The following TMTC1 variants were observed in gnomAD, a reference collection of about 807,000 sequenced individuals.
TMTC1 encodes the protein transmembrane O-mannosyltransferase targeting cadherins 1.
A neutral mutation model predicts 104.8 loss-of-function variants in TMTC1; 73 were observed. The ratio of observed to expected loss-of-function variants is 0.70; its 90% CI spans 0.58 to 0.85. TMTC1 has a LOEUF of 0.85. TMTC1 is among the 40% of genes least tolerant of loss of function. The pLI is 0.00. For synonymous variants in TMTC1, 434 were observed against 428.7 expected, an observed-to-expected ratio of 1.01 and a Z score of -0.15; for missense variants, 1,035 against 1,096.1, an observed-to-expected ratio of 0.94 and a Z score of 0.79.
In TMTC1 at chr12:29,530,401, G is replaced by A. The variant is rs565748978; in HGVS notation, c.1785+5808C>T. Among the ~76,000 whole-genome samples the A allele has an allele frequency of 1.4e-4, 22 of 152,174 alleles. 1 individual carries two copies. In the South Asian group the frequency reaches 2.7e-3, roughly 19 times the overall value. On this transcript the variant is annotated intron_variant, in intron 11 of 17. Transcript: ENST00000539277. ...TCCCTTCCCCTTTTATGGTCTCAAC[G>A]CAACTGACCAGCATTTCTTCCTGGA...
intron 5 of TMTC1, among the ~76,000 whole-genome samples, chr12:29,661,568 C>CTTTTTGTATTTTTAGTA (rs749890495): frequency 2.0e-5 from 3 of 150,502 alleles, no homozygotes; most frequent in East Asian, 2.0e-4. Context: ...ACTACAGGTA[C>CTTTTTGTATTTTTAGTA]TTTTTGTATT....
intron 10 of TMTC1, among the ~76,000 whole-genome samples, chr12:29,541,363 C>T (rs1195669848): frequency 6.6e-6 from 1 of 152,180 alleles, no homozygotes; most frequent in Non-Finnish European, 1.5e-5. Context: ...CTACATCTAC[C>T]ACTTACTAGC....
chr12:29,555,678 T>A (rs1377099904), intron 10 of TMTC1, among the ~76,000 whole-genome samples: 3 of 152,174 alleles, frequency 2.0e-5, no homozygotes, highest in African/African-American at 7.2e-5. Context: ...GGCTGCATAG[T>A]ATTCCATGGT....
At chr12:29,765,504 C>T (rs1028347347) in intron 2 of TMTC1, among the ~76,000 whole-genome samples, 1 of 152,012 alleles carries the variant, frequency 6.6e-6, no homozygotes, top group Non-Finnish European at 1.5e-5. Context: ...TTGTATTTAT[C>T]ATCCTTCTCC....
intron 7 of TMTC1, among the ~76,000 whole-genome samples, chr12:29,586,435 C>T (rs1946135927): frequency 1.3e-5 from 2 of 152,130 alleles, no homozygotes; most frequent in South Asian, 2.1e-4. Flanking sequence ...ATTTCCTTCT[C>T]CTGCCTGATT....
intron 5 of TMTC1, among the ~76,000 whole-genome samples, chr12:29,712,683 T>C (rs927305030): frequency 2.6e-5 from 4 of 152,230 alleles, no homozygotes; most frequent in African/African-American, 9.6e-5. Context: ...TGCTGCTATA[T>C]GTTATTCTAG....
At chr12:29,607,327 G>A (rs919621445) in intron 6 of TMTC1, among the ~76,000 whole-genome samples, 30 of 152,240 alleles carry the variant, frequency 2.0e-4, no homozygotes, top group Middle Eastern at 3.4e-3. Flanking sequence ...CTCAGTGCCC[G>A]GTGTGAATAT....
chr12:29,665,742 G>A (rs998310494), intron 5 of TMTC1, among the ~76,000 whole-genome samples: 2 of 152,076 alleles, frequency 1.3e-5, no homozygotes, highest in Admixed American at 6.6e-5. Context: ...CGAGAATCCC[G>A]CTAAATCAGT....
At chr12:29,613,046 C>A (rs913759188) in intron 6 of TMTC1, among the ~76,000 whole-genome samples, 11 of 152,132 alleles carry the variant, frequency 7.2e-5, no homozygotes, top group African/African-American at 2.4e-4. Context: ...TGTTATTGTT[C>A]TAAGCTTCTT....
At chr12:29,764,767 T>C (rs1943425958) in intron 2 of TMTC1, among the ~76,000 whole-genome samples, 1 of 152,228 alleles carries the variant, frequency 6.6e-6, no homozygotes, top group South Asian at 2.1e-4. Context: ...AAGACTCCTC[T>C]GTCCCTTTCA....
chr12:29,514,668 G>A (rs959556518), intron 15 of TMTC1, 64 bp from the exon 16 acceptor site: 1 of 1,526,872 alleles, frequency 6.5e-7, no homozygotes, highest in South Asian at 1.2e-5. Context: ...TTATTTAACT[G>A]ATCAAATTTA....
intron 5 of TMTC1, among the ~76,000 whole-genome samples, chr12:29,714,915 T>G (rs941570720): frequency 1.3e-5 from 2 of 152,124 alleles, no homozygotes; most frequent in African/African-American, 4.8e-5. Flanking sequence ...TCAGAAGGAG[T>G]ACAGTCCAGG....
chr12:29,608,903 T>C (rs1036129458), intron 6 of TMTC1, among the ~76,000 whole-genome samples: 1 of 152,180 alleles, frequency 6.6e-6, no homozygotes, highest in African/African-American at 2.4e-5. Flanking sequence ...CTCCTCTTCA[T>C]ACTTCCAGTT....
chr12:29,710,707 G>T (rs11050402), intron 5 of TMTC1, among the ~76,000 whole-genome samples: 1 of 135,550 alleles, frequency 7.4e-6, no homozygotes, highest in African/African-American at 2.8e-5. Flanking sequence ...TTATAAATAT[G>T]TATTTATAAT....
intron 1 of TMTC1, among the ~76,000 whole-genome samples, chr12:29,769,291 T>C (rs909575430): frequency 6.6e-6 from 1 of 152,198 alleles, no homozygotes; most frequent in African/African-American, 2.4e-5. Context: ...ATCAGAGTCT[T>C]AACTAAGCCT....
At chr12:29,597,793 A>C (rs1256352270) in intron 7 of TMTC1, among the ~76,000 whole-genome samples, 1 of 152,150 alleles carries the variant, frequency 6.6e-6, no homozygotes, top group Non-Finnish European at 1.5e-5. Context: ...AAAACCAGTA[A>C]AGCTTCCGCC....
intron 6 of TMTC1, among the ~76,000 whole-genome samples, chr12:29,610,525 T>A (rs1946818386): frequency 6.6e-6 from 1 of 152,158 alleles, no homozygotes; most frequent in Non-Finnish European, 1.5e-5. Flanking sequence ...AGATCTAGAA[T>A]CTTAGCTCCA....
intron 1 of TMTC1, among the ~76,000 whole-genome samples, chr12:29,777,906 G>C (rs771651142): frequency 3.9e-5 from 6 of 152,146 alleles, no homozygotes; most frequent in Non-Finnish European, 8.8e-5. Flanking sequence ...GAAGTTGAAT[G>C]AAAAGGAATA....
chr12:29,748,730 G>A (rs2136963611), intron 5 of TMTC1, among the ~76,000 whole-genome samples: 1 of 152,300 alleles, frequency 6.6e-6, no homozygotes, highest in East Asian at 1.9e-4. Flanking sequence ...CCCCTACTGA[G>A]GGACCTTCTC....
Sources: allele counts gnomAD v4.1 joint callset (sites outside exome capture counted in the v4.1 genomes callset), GRCh38; gene constraint gnomAD v4.1.1; transcripts MANE v1.5; gene names NCBI Gene and HGNC (gene_info 2026-07-23, HGNC 2026-07-21).